The following ZNF236 variants were observed in gnomAD, a reference collection of about 807,000 sequenced individuals.
ZNF236 encodes the protein regulated by glucose.
ZNF236 carries 50 observed loss-of-function variants against 191.2 expected under a neutral mutation model. The ratio of observed to expected loss-of-function variants is 0.26; its 90% CI spans 0.21 to 0.33. The LOEUF (loss-of-function observed/expected upper bound fraction) is 0.33, where lower values mean the gene tolerates loss of function less well. Among genes scored for constraint, ZNF236 ranks in the 10% least tolerant of loss-of-function variants. The pLI, the probability that ZNF236 is intolerant of heterozygous loss-of-function variation, is 1.00. For missense variants in ZNF236, 1,754 were observed against 2,374.5 expected (o/e 0.74, Z 5.43); for synonymous variants, 907 against 928.8 (o/e 0.98, Z 0.43).
intron 27 of ZNF236, among the ~76,000 whole-genome samples, chr18:76,948,999 T>TC (rs1968341179): frequency 6.6e-6 from 1 of 152,218 alleles, no homozygotes; most frequent in South Asian, 2.1e-4. Flanking sequence ...CGGGAGCTGA[T>TC]CAGGGGCACT....
intron 1 of ZNF236, among the ~76,000 whole-genome samples, chr18:76,831,035 A>C (rs1024784599): frequency 6.6e-6 from 1 of 152,214 alleles, no homozygotes; most frequent in African/African-American, 2.4e-5. Flanking sequence ...TCCTATTGGT[A>C]ACATCTTGCA....
At chr18:76,879,716 G>T (rs1474548417) in intron 7 of ZNF236, among the ~76,000 whole-genome samples, 2 of 152,142 alleles carry the variant, frequency 1.3e-5, no homozygotes, top group Non-Finnish European at 2.9e-5. Flanking sequence ...CTTGCAGGAA[G>T]AATTTTTTCA....
chr18:76,956,010 C>G lies in ZNF236; in HGVS notation c.4940C>G (p.Ala1647Gly). 6.2e-7 allele frequency: 1 copy of G among 1,610,110 alleles called. No individual in the cohort carries two copies. The highest frequency in any genetic ancestry group is 8.5e-7 in the Non-Finnish European group (1 of 1,179,400). Residue 1647 changes from alanine (A) to glycine (G), a missense_variant, in exon 28 of 31, where the codon GCC (alanine) becomes GGC (glycine). Ala to Gly is a moderately conservative substitution (Grantham distance 60). Coordinates refer to ENST00000320610, the MANE Select transcript of ZNF236 (RefSeq NM_001306089.2). ...GTAGCTGGCGTCTCTGGGAACCTGG[C>G]CCCGGGCAACCAGCCAGAGAAGGAG... ...YQVAGVSGNL[A>G]PGNQPEKEGR...
At chr18:76,831,007 G>A (rs1371537470) in intron 1 of ZNF236, among the ~76,000 whole-genome samples, 1 of 152,178 alleles carries the variant, frequency 6.6e-6, no homozygotes, top group Non-Finnish European at 1.5e-5. Context: ...GACACCTTCT[G>A]TCTCTCCTCA....
At chr18:76,879,471 G>C (rs1976812102) in intron 7 of ZNF236, among the ~76,000 whole-genome samples, 1 of 152,144 alleles carries the variant, frequency 6.6e-6, no homozygotes, top group Non-Finnish European at 1.5e-5. Flanking sequence ...GTTTTTGTCA[G>C]GGTTTACTCT....
At chr18:76,921,737 CTTTT>C (rs11380490) in intron 20 of ZNF236, among the ~76,000 whole-genome samples, 1 of 98,048 alleles carries the variant, frequency 1.0e-5, no homozygotes, top group Non-Finnish European at 1.9e-5. Flanking sequence ...GTGGGATGTT[CTTTT>C]TTTTTTTTTT....
Position 76,830,168 on chromosome 18 carries a change from C to T in ZNF236, c.55+7506C>T, listed in dbSNP as rs115662160. 7.4e-3 allele frequency among the ~76,000 whole-genome samples: 1,123 copies of T among 152,276 alleles called. 10 individuals are homozygous for T. The highest frequency in any genetic ancestry group is 0.025 in the African/African-American group (1,048 of 41,550). On this transcript the variant is annotated intron_variant, in intron 1 of 30. Transcript: ENST00000320610. ...ACAGGTGTGAGCCACGGTGCCTGGC[C>T]AGCTTTACCTGTTTTTGAACTAAAT...
intron 1 of ZNF236, among the ~76,000 whole-genome samples, chr18:76,830,426 G>A (rs555050264): frequency 5.3e-5 from 8 of 152,174 alleles, no homozygotes; most frequent in South Asian, 2.1e-4. Context: ...TTTATGGGCC[G>A]TAGTGGATAC....
chr18:76,869,222 A>G (rs1976512837), intron 4 of ZNF236, among the ~76,000 whole-genome samples: 2 of 152,200 alleles, frequency 1.3e-5, no homozygotes, highest in Non-Finnish European at 2.9e-5. Context: ...GTTAAAACTC[A>G]TATGTGCCTG....
chr18:76,893,603 G>A (rs1977312801), intron 9 of ZNF236, among the ~76,000 whole-genome samples: 1 of 152,120 alleles, frequency 6.6e-6, no homozygotes, highest in Non-Finnish European at 1.5e-5. Context: ...TATGTCCTGG[G>A]CTCAAGCCAT....
In ZNF236 at chr18:76,908,438, G is replaced by A. The variant is rs773110046; in HGVS notation, c.2416G>A (p.Glu806Lys). The A allele has an allele frequency of 5.6e-6, 9 of 1,614,080 alleles. No homozygotes were observed. The African/African-American group carries it at 1.2e-4, about 22-fold the overall frequency. ...TQMQVEIESD[E>K]LPQTAEVVAA... ...AATGCAGGTGGAGATCGAGAGCGACGAGCTGCCGCAGACGGCAGAGGTGGT... is the reference window on the plus strand; with the variant it reads ...AATGCAGGTGGAGATCGAGAGCGACAAGCTGCCGCAGACGGCAGAGGTGGT... Residue 806 changes from glutamate (E) to lysine (K), a missense_variant, in exon 14 of 31, where the codon GAG (glutamate) becomes AAG (lysine). By Grantham distance (56) the Glu-to-Lys change is moderately conservative. Transcript: ENST00000320610.
intron 11 of ZNF236, 78 bp from the exon 12 acceptor site, chr18:76,904,302 A>G: frequency 5.0e-6 from 7 of 1,388,660 alleles, no homozygotes; most frequent in Non-Finnish European, 6.6e-6. Context: ...TCTTCTGGGT[A>G]AAACATGTGC....
intron 28 of ZNF236, among the ~76,000 whole-genome samples, chr18:76,957,154 G>T (rs1006053079): frequency 6.6e-5 from 10 of 152,088 alleles, no homozygotes; most frequent in Non-Finnish European, 1.3e-4. Context: ...ATGTTGGGGG[G>T]GTGGGGATTG....
At chr18:76,874,907 T>C (rs1446091776) in intron 5 of ZNF236, among the ~76,000 whole-genome samples, 1 of 152,218 alleles carries the variant, frequency 6.6e-6, no homozygotes, top group African/African-American at 2.4e-5. Context: ...TACTGAGTAT[T>C]AGAAGAACTT....
chr18:76,871,515 A>AAATG (rs1426908414), intron 4 of ZNF236, among the ~76,000 whole-genome samples, 186 bp from the exon 5 acceptor site: 1 of 152,232 alleles, frequency 6.6e-6, no homozygotes, highest in Non-Finnish European at 1.5e-5. Context: ...AAATAGAGAA[A>AAATG]AATGAGTTTT....
chr18:76,923,249 G>T, intron 21 of ZNF236, 75 bp downstream of exon 21: 1 of 1,045,272 alleles, frequency 9.6e-7, no homozygotes. Context: ...TATATATTTT[G>T]TGTACATAAA....
chr18:76,895,477 A>G (rs1055936649), intron 10 of ZNF236, 192 bp downstream of exon 10: 1 of 759,742 alleles, frequency 1.3e-6, no homozygotes, highest in African/African-American at 1.8e-5. Flanking sequence ...CAGCACCCAC[A>G]CCGGTACTGC....
chr18:76,965,417 A>G (rs766250057), intron 30 of ZNF236, among the ~76,000 whole-genome samples: 29 of 152,044 alleles, frequency 1.9e-4, no homozygotes, highest in Non-Finnish European at 3.2e-4. Context: ...GTTTGGATCC[A>G]TTGCTGGTGA....
intron 27 of ZNF236, among the ~76,000 whole-genome samples, chr18:76,948,609 C>T (rs1445537868): frequency 6.6e-6 from 1 of 152,144 alleles, no homozygotes; most frequent in Non-Finnish European, 1.5e-5. Context: ...TCCAGAGAAC[C>T]CAGGCACGAG....
Sources: allele counts gnomAD v4.1 joint callset (sites outside exome capture counted in the v4.1 genomes callset), GRCh38; gene constraint gnomAD v4.1.1; transcripts MANE v1.5; gene names NCBI Gene and HGNC (gene_info 2026-07-23, HGNC 2026-07-21).